The following DDX52 variants were observed in gnomAD, a reference collection of about 807,000 sequenced individuals.
The protein encoded by DDX52 is probable ATP-dependent RNA helicase DDX52.
A neutral mutation model predicts 76.1 loss-of-function variants in DDX52; 59 were observed. The observed-to-expected ratio is 0.78, with a 90% CI of 0.63 to 0.96. The LOEUF is 0.96. Ranked by LOEUF, DDX52 falls within the 40% of genes least tolerant of loss-of-function variation. The probability of loss-of-function intolerance (pLI) is 0.00; values close to 1 mark genes in which losing one functional copy is unlikely to be tolerated. For synonymous variants in DDX52, 231 were observed against 244.1 expected (o/e 0.95, Z 0.50); for missense variants, 707 against 703.9 (o/e 1.00, Z -0.05).
chr17:37,620,871 A>G lies in DDX52; in HGVS notation c.1577+2T>C. The G allele has an allele frequency of 6.3e-7, 1 of 1,588,334 alleles. No individual in the cohort carries two copies. The highest frequency in any genetic ancestry group is 8.5e-7 in the Non-Finnish European group (1 of 1,173,440). On this transcript the variant is annotated splice_donor_variant, in intron 12 of 14. Coordinates refer to ENST00000617633, the MANE Select transcript of DDX52 (RefSeq NM_007010.5). LOFTEE classifies it high-confidence loss of function. ...AACACTAGGTTATTTTTTCTAATTT[A>G]CCTTCTTAATAATGGCTTATCATCC...
In DDX52 at chr17:37,643,385, C is replaced by T; in HGVS notation, c.36G>A (p.Ala12=). 2 of 1,614,010 alleles carry T rather than the reference C, an allele frequency of 1.2e-6. No individual in the cohort carries two copies. Among genetic ancestry groups the T allele is most frequent in the Non-Finnish European group, 1.7e-6 (2 of 1,179,920 alleles). ...AGCGTCTCGTGTCGAATTTGGCCCC[C>T]GCGCCGAGCCGGCGAAAGAGATCGT... ...DVHDLFRRLG[A]GAKFDTRRFS... is the part of the protein sequence containing the mutation. The change falls in exon 1 of 15, where the codon GCG becomes GCA. Residue 12 remains alanine (A), a synonymous_variant. Transcript: ENST00000617633.
intron 2 of DDX52, among the ~76,000 whole-genome samples, chr17:37,638,842 T>C (rs2031052850): frequency 6.7e-6 from 1 of 149,594 alleles, no homozygotes; most frequent in Non-Finnish European, 1.5e-5. Flanking sequence ...TGATCTCAGC[T>C]CACTGCAACC....
At chr17:37,636,103 G>A (rs561198965) in intron 2 of DDX52, among the ~76,000 whole-genome samples, 1 of 152,112 alleles carries the variant, frequency 6.6e-6, no homozygotes, top group Non-Finnish European at 1.5e-5. Context: ...TTTTAGTTTC[G>A]ATAAGTCCAA....
Position 37,619,843 on chromosome 17 carries a change from A to C in DDX52, c.1578-4T>G. ...CTGCTGTATAACATTAGCAACGCTG[A>C]AAAAGAAACCCATAAACATAAACTT... On this transcript the variant is annotated splice_region_variant and splice_polypyrimidine_tract_variant and intron_variant, in intron 12 of 14. Transcript: ENST00000617633. 6.2e-7 allele frequency: 1 copy of C among 1,611,978 alleles called. No individual in the cohort carries two copies. Among genetic ancestry groups the C allele is most frequent in the Non-Finnish European group, 8.5e-7 (1 of 1,179,392 alleles).
chr17:37,634,676 T>C (rs2030848506), intron 2 of DDX52, among the ~76,000 whole-genome samples: 1 of 152,054 alleles, frequency 6.6e-6, no homozygotes, highest in African/African-American at 2.4e-5. Flanking sequence ...TTTGAACTAC[T>C]CAGTATTATA....
At chr17:37,633,453 C>T (rs2030780530) in intron 2 of DDX52, 35 bp from the exon 3 acceptor site, 1 of 1,471,422 alleles carries the variant, frequency 6.8e-7, no homozygotes, top group Admixed American at 2.4e-5. Flanking sequence ...AAGATTTTAA[C>T]AGTCTAGGCA....
At position 37,610,405 on chromosome 17, in the gene DDX52, T is replaced by A. The variant is rs71382477; in HGVS notation, c.*3891A>T. 1.4e-5 allele frequency: 2 copies of A among 145,932 alleles called. No individual in the cohort carries two copies. The highest frequency in any genetic ancestry group is 5.1e-5 in the African/African-American group (2 of 39,224). The allele number at this position is 145,932 out of a possible 1,614,324, so 9.0% of individuals were successfully genotyped here. A position where few individuals can be genotyped will look rare whatever the true frequency, so the allele number is the denominator to read the frequency against. Reference sequence around the variant, plus strand: ...CCACCTCGGCCTCCAAGTGCCAGGGTGTGAGCCACATGCCTGGGCTGTGAT... The same window carrying A: ...CCACCTCGGCCTCCAAGTGCCAGGGAGTGAGCCACATGCCTGGGCTGTGAT... On this transcript the variant is annotated 3_prime_UTR_variant, in exon 15 of 15. Transcript: ENST00000617633.
chr17:37,618,773 C>A (rs2029926968), intron 13 of DDX52, among the ~76,000 whole-genome samples: 1 of 152,146 alleles, frequency 6.6e-6, no homozygotes, highest in Non-Finnish European at 1.5e-5. Flanking sequence ...GCGTGAGCTA[C>A]CACGCTCAGC....
Position 37,642,139 on chromosome 17 carries a change from C to G in DDX52, c.257G>C (p.Ser86Thr). 1.9e-6 allele frequency: 3 copies of G among 1,613,730 alleles called. No homozygotes were observed. The highest frequency in any genetic ancestry group is 2.5e-6 in the Non-Finnish European group (3 of 1,179,940). The part of the protein sequence containing the change: ...ESLTERKREQ[S>T]KKKRKTMTSE... Reference sequence around the variant, plus strand: ...AGTCATCGTCTTCCTTTTTTTCTTGCTCTGCTCCCTCTTCCTTTCAGTTAG... The same window carrying G: ...AGTCATCGTCTTCCTTTTTTTCTTGGTCTGCTCCCTCTTCCTTTCAGTTAG... The change falls in exon 2 of 15, where the codon AGC (serine) becomes ACC (threonine). Residue 86 changes from serine (S) to threonine (T), a missense_variant. By Grantham distance (58) the Ser-to-Thr change is moderately conservative. Transcript: ENST00000617633.
chr17:37,633,497 T>A, intron 2 of DDX52, 79 bp from the exon 3 acceptor site: 2 of 1,175,916 alleles, frequency 1.7e-6, no homozygotes, highest in Non-Finnish European at 2.2e-6. Context: ...AAAAAAAAAT[T>A]AAAAATTAGT....
chr17:37,637,890 T>C (rs1234069558), intron 2 of DDX52, among the ~76,000 whole-genome samples: 4 of 152,188 alleles, frequency 2.6e-5, no homozygotes, highest in African/African-American at 4.8e-5. Context: ...CCACCAATTC[T>C]TAATGAAAAA....
intron 2 of DDX52, among the ~76,000 whole-genome samples, chr17:37,636,929 G>C: frequency 6.6e-6 from 1 of 152,116 alleles, no homozygotes; most frequent in Middle Eastern, 3.2e-3. Context: ...GCTCATGCTT[G>C]TAATCCCAAA....
chr17:37,626,355 G>C (rs1444771104), intron 7 of DDX52, among the ~76,000 whole-genome samples: 1 of 152,098 alleles, frequency 6.6e-6, no homozygotes, highest in Admixed American at 6.6e-5. Flanking sequence ...CCGGCTCATG[G>C]GGGCACTCTC....
At chr17:37,618,231 A>C in intron 14 of DDX52, 61 bp downstream of exon 14, 1 of 1,332,116 alleles carries the variant, frequency 7.5e-7, no homozygotes. Context: ...CTAAGGAAAA[A>C]TAATGCCTAC....
Position 37,630,640 on chromosome 17 carries a change from T to G in DDX52, c.604-467A>C, listed in dbSNP as rs796182813. ...AGACAATTTTCAAAAACTCACTGTG[T>G]TTTTTTTTTTTTTTTTTTTGACACA... On this transcript the variant is annotated intron_variant, in intron 4 of 14. Coordinates refer to ENST00000617633, the MANE Select transcript of DDX52 (RefSeq NM_007010.5). 6.6e-5 allele frequency among the ~76,000 whole-genome samples: 6 copies of G among 90,334 alleles called. No homozygotes were observed. The South Asian group carries it at 9.7e-4, about 15-fold the overall frequency. 59.3% of individuals were successfully genotyped at this position (90,334 alleles called of 152,430 possible). A position where few individuals can be genotyped will look rare whatever the true frequency, so the allele number is the denominator to read the frequency against.
At chr17:37,626,650 A>G in intron 7 of DDX52, 138 bp downstream of exon 7, 2 of 777,536 alleles carry the variant, frequency 2.6e-6, no homozygotes, top group Non-Finnish European at 4.2e-6. Flanking sequence ...TTTTTAAAAA[A>G]CCATTATTCT....
At chr17:37,617,764 AAT>A (rs2029880130) in intron 14 of DDX52, among the ~76,000 whole-genome samples, 3 of 152,220 alleles carry the variant, frequency 2.0e-5, no homozygotes, top group African/African-American at 7.2e-5. Flanking sequence ...AGAGAATTGA[AAT>A]AATATTTTCC....
In DDX52 at chr17:37,638,306, AT is replaced by A. The variant is rs2031025078; in HGVS notation, c.286+3803del. Among the ~76,000 whole-genome samples, 4 of 152,384 alleles carry A rather than the reference AT, an allele frequency of 2.6e-5. No homozygotes were observed. The South Asian group carries it at 8.3e-4, about 32-fold the overall frequency. The stretch of plus-strand genomic sequence containing the variant: ...TTTCTACAAAAAAAATTCTGCTAGA[AT>A]TCTAATTGGGATTGCAATGATTCTG... On this transcript the variant is annotated intron_variant, in intron 2 of 14. Transcript: ENST00000617633.
intron 2 of DDX52, among the ~76,000 whole-genome samples, chr17:37,636,196 T>C (rs937329852): frequency 2.6e-5 from 4 of 152,224 alleles, no homozygotes; most frequent in Non-Finnish European, 5.9e-5. Context: ...AAAGATTTTT[T>C]TCCTGTTTTC....
Sources: allele counts gnomAD v4.1 joint callset (sites outside exome capture counted in the v4.1 genomes callset), GRCh38; gene constraint gnomAD v4.1.1; transcripts MANE v1.5; gene names NCBI Gene and HGNC (gene_info 2026-07-23, HGNC 2026-07-21).